DSPP: variants seen among roughly 807,000 people sequenced by gnomAD.
The protein encoded by DSPP is dentin sialophosphoprotein, also known as deafness, autosomal dominant 39.
DSPP carries 28 observed loss-of-function variants against 29.1 expected under a neutral mutation model. That is an observed-to-expected ratio of 0.96 (90% confidence interval 0.71 to 1.32). The LOEUF is 1.32. Among genes scored for constraint, DSPP ranks in the 40% most tolerant of loss-of-function variants. The pLI is 0.00. For missense variants in DSPP, 1,281 were observed against 1,629.9 expected (o/e 0.79, Z 3.69); for synonymous variants, 481 against 503.4 (o/e 0.96, Z 0.60).
In DSPP at chr4:87,615,048, G is replaced by A; in HGVS notation, c.2386G>A (p.Asp796Asn). 2 of 1,549,028 alleles carry A rather than the reference G, an allele frequency of 1.3e-6. No individual in the cohort carries two copies. The highest frequency in any genetic ancestry group is 1.2e-5 in the South Asian group (1 of 83,960). Residue 796 changes from aspartate to asparagine, a missense_variant, in exon 5 of 5, where the codon GAT becomes AAT. Asp to Asn is a conservative substitution (Grantham distance 23). This residue lies in a region of DSPP where 444 missense variants were observed against 611.4 expected (regional missense o/e 0.73). Transcript: ENST00000651931. The part of the protein sequence containing the change: ...NDSSNSSDSS[D>N]SSNSSDSSNS... The stretch of plus-strand genomic sequence containing the variant: ...CAGCAGCAATAGCAGTGACAGCAGT[G>A]ATAGCAGCAACAGCAGTGATAGCAG...
Position 87,616,653 on chromosome 4 carries a change from G to C in DSPP, c.*85G>C. Reference sequence around the variant, plus strand: ...AAAGATTTCCAAGAAAGTAAAGAAAGGGGAGAAATAAACATAAGACGTATG... The same window carrying C: ...AAAGATTTCCAAGAAAGTAAAGAAACGGGAGAAATAAACATAAGACGTATG... On this transcript the variant is annotated 3_prime_UTR_variant, in exon 5 of 5. Coordinates refer to ENST00000651931, the MANE Select transcript of DSPP (RefSeq NM_014208.3). 6.5e-7 allele frequency: 1 copy of C among 1,547,194 alleles called. No homozygotes were observed. Among genetic ancestry groups the C allele is most frequent in the Non-Finnish European group, 8.7e-7 (1 of 1,143,876 alleles).
rs1323724349 is a variant in DSPP, at chr4:87,616,067, CAGT to C, written c.3406_3408del (p.Ser1136del). ...GTGACAGCAGCGACAGCAGTGATAG[CAGT>C]GACAGCAGCAACAGCAGTGACAGCA... is the stretch of plus-strand genomic sequence containing the variant. On this transcript the variant is annotated inframe_deletion, in exon 5 of 5. Coordinates refer to ENST00000651931, the MANE Select transcript of DSPP (RefSeq NM_014208.3). 2 of 1,376,148 alleles carry C rather than the reference CAGT, an allele frequency of 1.5e-6. 1 individual carries two copies. Among genetic ancestry groups the C allele is most frequent in the Admixed American group, 5.1e-5 (2 of 39,192 alleles). The allele number at this position is 1,376,148 out of a possible 1,614,324, so 85.2% of individuals were successfully genotyped here.
Position 87,614,916 on chromosome 4 carries a change from A to T in DSPP, c.2254A>T (p.Ser752Cys), listed in dbSNP as rs1457091033. ...CAGTGATAGCAGTGACAGCAGCAAC[A>T]GCAGTGACAGTAGCGATAGCAGTGA... ...DSSDSSDSSN[S>C]SDSSDSSDSS... The change falls in exon 5 of 5, where the codon AGC becomes TGC. Residue 752 changes from serine (S) to cysteine (C), a missense_variant. Around this residue, in one of 4 missense-constraint regions of DSPP, gnomAD observed 444 missense variants for 611.4 expected, o/e 0.73. Coordinates refer to ENST00000651931, the MANE Select transcript of DSPP (RefSeq NM_014208.3). 3.2e-6 allele frequency: 5 copies of T among 1,550,728 alleles called. No homozygotes were observed. The highest frequency in any genetic ancestry group is 4.4e-6 in the Non-Finnish European group (5 of 1,146,454).
intron 4 of DSPP, 93 bp from the exon 5 acceptor site, chr4:87,613,692 A>G: frequency 7.6e-6 from 12 of 1,569,048 alleles, no homozygotes; most frequent in Non-Finnish European, 1.0e-5. Flanking sequence ...TCCTATCCCT[A>G]TGGCAACTTT....
At chr4:87,610,784 C>T in intron 1 of DSPP, 97 bp from the exon 2 acceptor site, 1 of 817,588 alleles carries the variant, frequency 1.2e-6, no homozygotes, top group Non-Finnish European at 2.1e-6. Flanking sequence ...TGCTTCTTGT[C>T]CAGGAAAAGG....
intron 4 of DSPP, 113 bp from the exon 5 acceptor site, chr4:87,613,672 G>A: frequency 1.4e-6 from 2 of 1,442,678 alleles, no homozygotes; most frequent in Non-Finnish European, 1.9e-6. Context: ...TGAAGTACTA[G>A]AAATGTAACT....
At chr4:87,610,242 C>T (rs191193743) in intron 1 of DSPP, among the ~76,000 whole-genome samples, 12 of 152,154 alleles carry the variant, frequency 7.9e-5, no homozygotes, top group Admixed American at 5.2e-4. Flanking sequence ...TTTGAAGTGG[C>T]GTCAGAGAGG....
chr4:87,611,107 T>A (rs939456391), intron 2 of DSPP, 148 bp downstream of exon 2: 29 of 800,272 alleles, frequency 3.6e-5, no homozygotes, highest in Middle Eastern at 6.5e-4. Flanking sequence ...ATATGTTTCC[T>A]TAATTTTTTT....
Position 87,612,927 on chromosome 4 carries a change from T to A in DSPP, c.741T>A (p.Ser247Arg). ...TGGATAATTCCGATGGGAGTCCTAG[T>A]GGGAATGGAGCAGATGAGGATGAAG... ...AGLDNSDGSP[S>R]GNGADEDEDE... Residue 247 changes from serine to arginine, a missense_variant, in exon 4 of 5, where the codon AGT becomes AGA. By Grantham distance (110) the Ser-to-Arg change is moderately radical. Transcript: ENST00000651931. The A allele has an allele frequency of 6.2e-7, 1 of 1,613,892 alleles. No individual in the cohort carries two copies. The highest frequency in any genetic ancestry group is 8.5e-7 in the Non-Finnish European group (1 of 1,179,956).
chr4:87,613,969 T>C lies in DSPP; in HGVS notation c.1307T>C (p.Val436Ala). 1 of 1,614,142 alleles carries C rather than the reference T, an allele frequency of 6.2e-7. No individual in the cohort carries two copies. Among genetic ancestry groups the C allele is most frequent in the South Asian group, 1.1e-5 (1 of 91,084 alleles). Residue 436 changes from valine (V) to alanine (A), a missense_variant, in exon 5 of 5, where the codon GTT (valine) becomes GCT (alanine). Val to Ala is a moderately conservative substitution (Grantham distance 64). Coordinates refer to ENST00000651931, the MANE Select transcript of DSPP (RefSeq NM_014208.3). Reference protein sequence around the residue: ...PGQKSEPGNKVGHSNTGSDSN... With the variant: ...PGQKSEPGNKAGHSNTGSDSN... ...CAAAAATCAGAACCAGGAAATAAAG[T>C]TGGACACAGCAATACAGGTAGTGAC...
At position 87,612,085 on chromosome 4, in the gene DSPP, C is replaced by T. The variant is rs757743838; in HGVS notation, c.52-20C>T. 23 of 1,611,550 alleles carry T rather than the reference C, an allele frequency of 1.4e-5. No individual in the cohort carries two copies. Among genetic ancestry groups the T allele is most frequent in the Non-Finnish European group, 1.4e-5 (16 of 1,178,550 alleles). ...CACAAATAAGAACCTTTTCAATAGCCAGTATTTTCTACTTGGCAGGTTCCT... is the reference window on the plus strand; with the variant it reads ...CACAAATAAGAACCTTTTCAATAGCTAGTATTTTCTACTTGGCAGGTTCCT... On this transcript the variant is annotated intron_variant, in intron 2 of 4. Coordinates refer to ENST00000651931, the MANE Select transcript of DSPP (RefSeq NM_014208.3).
At position 87,615,399 on chromosome 4, in the gene DSPP, G is replaced by A. The variant is rs1578141550; in HGVS notation, c.2737G>A (p.Asp913Asn). The change falls in exon 5 of 5, where the codon GAC becomes AAC. Residue 913 changes from aspartate to asparagine, a missense_variant. By Grantham distance (23) the Asp-to-Asn change is conservative. Coordinates refer to ENST00000651931, the MANE Select transcript of DSPP (RefSeq NM_014208.3). ...SDSSDSSNSS[D>N]SSDSSNSSDS... is the part of the protein sequence containing the mutation. The stretch of plus-strand genomic sequence containing the variant: ...CAGCAGTGATAGCAGCAACAGCAGT[G>A]ACAGCAGTGATAGCAGCAACAGCAG... The A allele has an allele frequency of 1.6e-5, 22 of 1,348,690 alleles. No individual in the cohort carries two copies. The highest frequency in any genetic ancestry group is 2.1e-5 in the Non-Finnish European group (22 of 1,030,716). 83.5% of individuals were successfully genotyped at this position (1,348,690 alleles called of 1,614,324 possible).
Position 87,616,154 on chromosome 4 carries a change from TAGCAGCGACAGCAGCGAC to T in DSPP, c.3501_3518del (p.Asp1173_Ser1178del). 3 of 737,738 alleles carry T rather than the reference TAGCAGCGACAGCAGCGAC, an allele frequency of 4.1e-6. No homozygotes were observed. In the African/African-American group the frequency reaches 8.6e-5, roughly 21 times the overall value. The allele number at this position is 737,738 out of a possible 1,614,324, so 45.7% of individuals were successfully genotyped here. On this transcript the variant is annotated inframe_deletion, in exon 5 of 5. Coordinates refer to ENST00000651931, the MANE Select transcript of DSPP (RefSeq NM_014208.3). ...GCAGCGACAGCAGTGACAGCAGCGATAGCAGCGACAGCAGCGACAGCAGCGATAGCAGTGACAGCAGCA... is the reference window on the plus strand; with the variant it reads ...GCAGCGACAGCAGTGACAGCAGCGATAGCAGCGATAGCAGTGACAGCAGCA...
chr4:87,616,823 A>C lies in DSPP; in HGVS notation c.*255A>C, dbSNP rs543948221. 1 of 637,936 alleles carries C rather than the reference A, an allele frequency of 1.6e-6. No individual in the cohort carries two copies. The highest frequency in any genetic ancestry group is 2.7e-6 in the Non-Finnish European group (1 of 372,878). 39.5% of individuals were successfully genotyped at this position (637,936 alleles called of 1,614,324 possible). A position where few individuals can be genotyped will look rare whatever the true frequency, so the allele number is the denominator to read the frequency against. ...CTGAAAATATTTTGTTAAAAGTGTA[A>C]ATCTAAACATAAAAGAACAATTAAA... On this transcript the variant is annotated 3_prime_UTR_variant, in exon 5 of 5. Transcript: ENST00000651931.
At chr4:87,612,002 G>C (rs1338493228) in intron 2 of DSPP, 103 bp from the exon 3 acceptor site, 11 of 1,225,790 alleles carry the variant, frequency 9.0e-6, no homozygotes, top group Non-Finnish European at 1.3e-5. Context: ...TTCATGGAGG[G>C]AAGAATATTT....
In DSPP at chr4:87,614,224, CTAA is replaced by C; in HGVS notation, c.1568_1570del (p.Asn523del). On this transcript the variant is annotated inframe_deletion, in exon 5 of 5. Transcript: ENST00000651931. ...GATGACAGTGATAGCACATCAGACA[CTAA>C]TAATAGTGACAGTAATGGCAATGGT... is the stretch of plus-strand genomic sequence containing the variant. The C allele has an allele frequency of 6.2e-7, 1 of 1,614,198 alleles. No individual in the cohort carries two copies. Among genetic ancestry groups the C allele is most frequent in the Non-Finnish European group, 8.5e-7 (1 of 1,180,036 alleles).
chr4:87,616,776 C>T lies in DSPP; in HGVS notation c.*208C>T. The T allele has an allele frequency of 1.4e-6, 1 of 727,582 alleles. No homozygotes were observed. The highest frequency in any genetic ancestry group is 1.9e-5 in the South Asian group (1 of 52,744). 45.1% of individuals were successfully genotyped at this position (727,582 alleles called of 1,614,324 possible). On this transcript the variant is annotated 3_prime_UTR_variant, in exon 5 of 5. Coordinates refer to ENST00000651931, the MANE Select transcript of DSPP (RefSeq NM_014208.3). ...GACTCTGAATGCATGACCTTTGGTACATGCCTGTTAATATTCATGTTCTGA... is the reference window on the plus strand; with the variant it reads ...GACTCTGAATGCATGACCTTTGGTATATGCCTGTTAATATTCATGTTCTGA...
In DSPP at chr4:87,616,418, C is replaced by T; in HGVS notation, c.3756C>T (p.Ser1252=). The change falls in exon 5 of 5, where the codon AGC becomes AGT. Residue 1252 remains serine, a synonymous_variant. Coordinates refer to ENST00000651931, the MANE Select transcript of DSPP (RefSeq NM_014208.3). ...DSSDSSNSSD[S]SDSSDSSDST... Reference sequence around the variant, plus strand: ...GTGACAGCAGCAACAGCAGTGACAGCAGCGACAGCAGTGATAGCAGTGACA... The same window carrying T: ...GTGACAGCAGCAACAGCAGTGACAGTAGCGACAGCAGTGATAGCAGTGACA... The T allele has an allele frequency of 6.4e-7, 1 of 1,551,340 alleles. No homozygotes were observed. Among genetic ancestry groups the T allele is most frequent in the Non-Finnish European group, 8.7e-7 (1 of 1,146,808 alleles).
At chr4:87,613,678 T>C (rs1047897451) in intron 4 of DSPP, 107 bp from the exon 5 acceptor site, 14 of 1,482,192 alleles carry the variant, frequency 9.4e-6, no homozygotes, top group Non-Finnish European at 1.1e-5. Flanking sequence ...ACTAGAAATG[T>C]AACTCCTATC....
Sources: gnomAD v4.1 joint callset for allele counts (sites outside exome capture counted in the v4.1 genomes callset) on GRCh38, gnomAD v4.1.1 for gene constraint, gnomAD v4.1.1 regional missense constraint, MANE v1.5 for transcripts, NCBI Gene and HGNC (gene_info 2026-07-23, HGNC 2026-07-21) for gene names.